The following L3MBTL4 variants were observed in gnomAD, a reference collection of about 807,000 sequenced individuals.
The protein encoded by L3MBTL4 is lethal(3)malignant brain tumor-like protein 4.
In L3MBTL4, 70 loss-of-function variants were observed where a neutral mutation model predicts 84.5. The ratio of observed to expected loss-of-function variants is 0.83; its 90% CI spans 0.68 to 1.01. L3MBTL4 has a LOEUF of 1.01. Among genes scored for constraint, L3MBTL4 ranks in the 50% least tolerant of loss-of-function variants. L3MBTL4 has a pLI of 0.00. For missense variants in L3MBTL4, 715 were observed against 754.8 expected (o/e 0.95, Z 0.62); for synonymous variants, 274 against 259.8 (o/e 1.05, Z -0.52).
chr18:6,096,356 A>G (rs1297414350), intron 14 of L3MBTL4, among the ~76,000 whole-genome samples: 3 of 152,166 alleles, frequency 2.0e-5, no homozygotes, highest in Non-Finnish European at 4.4e-5. Flanking sequence ...GGAAGGCAAA[A>G]TCAAATGGAA....
At position 6,239,716 on chromosome 18, in the gene L3MBTL4, A is replaced by G; in HGVS notation, c.707+2T>C. On this transcript the variant is annotated splice_donor_variant, in intron 9 of 18. Coordinates refer to ENST00000317931, the MANE Select transcript of L3MBTL4 (RefSeq NM_001330559.2). LOFTEE classifies it high-confidence loss of function. ...AAAATAAAACACACATTCATATCTCACCAGTAATCGTAACTATCATCCCAG... is the reference window on the plus strand; with the variant it reads ...AAAATAAAACACACATTCATATCTCGCCAGTAATCGTAACTATCATCCCAG... The G allele has an allele frequency of 6.2e-7, 1 of 1,612,904 alleles. No individual in the cohort carries two copies. Among genetic ancestry groups the G allele is most frequent in the Non-Finnish European group, 8.5e-7 (1 of 1,179,700 alleles).
chr18:6,029,025 G>A (rs1297179285), intron 16 of L3MBTL4, among the ~76,000 whole-genome samples: 1 of 152,090 alleles, frequency 6.6e-6, no homozygotes, highest in African/African-American at 2.4e-5. Flanking sequence ...TGCTTTCTCT[G>A]AATGTTAAAC....
At chr18:6,088,423 T>G (rs1329655846) in intron 15 of L3MBTL4, among the ~76,000 whole-genome samples, 4 of 151,990 alleles carry the variant, frequency 2.6e-5, no homozygotes, top group Admixed American at 1.3e-4. Context: ...TCTTACAGAT[T>G]GGAACTGCCA....
At chr18:6,151,426 CTT>C (rs1307894289) in intron 13 of L3MBTL4, among the ~76,000 whole-genome samples, 1 of 152,074 alleles carries the variant, frequency 6.6e-6, no homozygotes, top group Non-Finnish European at 1.5e-5. Context: ...AGTTTTCACT[CTT>C]GTTGCCCAGG....
chr18:6,109,587 T>G (rs1409950189), intron 14 of L3MBTL4, among the ~76,000 whole-genome samples: 1 of 152,068 alleles, frequency 6.6e-6, no homozygotes, highest in African/African-American at 2.4e-5. Context: ...GGGGTCAAAA[T>G]CCTTGTGAGA....
At chr18:6,197,143 G>T (rs1341016913) in intron 12 of L3MBTL4, among the ~76,000 whole-genome samples, 1 of 152,188 alleles carries the variant, frequency 6.6e-6, no homozygotes, top group Admixed American at 6.5e-5. Flanking sequence ...TAGATGTGCA[G>T]GATGTGCAGG....
chr18:6,132,387 C>T (rs1481683820), intron 14 of L3MBTL4, among the ~76,000 whole-genome samples: 2 of 151,960 alleles, frequency 1.3e-5, no homozygotes, highest in Non-Finnish European at 2.9e-5. Flanking sequence ...CTTTTGGAGA[C>T]CTTGCTCTTA....
At chr18:6,372,141 C>T (rs2054182993) in intron 1 of L3MBTL4, among the ~76,000 whole-genome samples, 2 of 152,186 alleles carry the variant, frequency 1.3e-5, no homozygotes, top group South Asian at 4.1e-4. Context: ...CCTCCTTTCT[C>T]CACCTCCCTC....
chr18:6,226,768 TA>T (rs1319097620), intron 10 of L3MBTL4, among the ~76,000 whole-genome samples: 1 of 151,990 alleles, frequency 6.6e-6, no homozygotes, highest in Non-Finnish European at 1.5e-5. Context: ...ATACTGAAGG[TA>T]AAATGGAAGC....
At chr18:6,275,724 C>A (rs1203937455) in intron 4 of L3MBTL4, among the ~76,000 whole-genome samples, 1 of 152,186 alleles carries the variant, frequency 6.6e-6, no homozygotes, top group Non-Finnish European at 1.5e-5. Context: ...CATACTCAAT[C>A]ATGAGATTGC....
At chr18:6,402,301 G>T (rs9965332) in intron 1 of L3MBTL4, among the ~76,000 whole-genome samples, 23,626 of 152,142 alleles carry the variant, frequency 0.16, 1,869 homozygotes, top group African/African-American at 0.17. Context: ...AATGATTCCT[G>T]TATTGGCCAG....
intron 16 of L3MBTL4, among the ~76,000 whole-genome samples, chr18:6,024,768 T>C (rs142160431): frequency 2.0e-5 from 3 of 152,374 alleles, no homozygotes; most frequent in African/African-American, 7.2e-5. Flanking sequence ...TGCTTCCTTT[T>C]TTTTCTAATT....
chr18:6,099,253 A>T (rs2058734684), intron 14 of L3MBTL4, among the ~76,000 whole-genome samples: 1 of 152,120 alleles, frequency 6.6e-6, no homozygotes, highest in Non-Finnish European at 1.5e-5. Flanking sequence ...CTCACACAGT[A>T]TAAGGATGTT....
chr18:5,954,955 G>T lies in L3MBTL4; in HGVS notation c.*1265C>A, dbSNP rs2095218830. ...TTCTTCAGTGAAAAAAAAATGTAAA[G>T]CTTGAGAAATTCTCCAAGCAGAATC... is the stretch of plus-strand genomic sequence containing the variant. On this transcript the variant is annotated 3_prime_UTR_variant, in exon 19 of 19. Coordinates refer to ENST00000317931, the MANE Select transcript of L3MBTL4 (RefSeq NM_001330559.2). The T allele has an allele frequency of 6.6e-6, 1 of 152,002 alleles. No individual in the cohort carries two copies. The highest frequency in any genetic ancestry group is 1.5e-5 in the Non-Finnish European group (1 of 67,978). 9.4% of individuals were successfully genotyped at this position (152,002 alleles called of 1,614,324 possible). A position where few individuals can be genotyped will look rare whatever the true frequency, so the allele number is the denominator to read the frequency against.
At chr18:6,377,118 C>A (rs1001805637) in intron 1 of L3MBTL4, among the ~76,000 whole-genome samples, 1 of 152,168 alleles carries the variant, frequency 6.6e-6, no homozygotes, top group Admixed American at 6.5e-5. Context: ...TCAAGGGTCA[C>A]AAACCTGGCT....
intron 10 of L3MBTL4, among the ~76,000 whole-genome samples, chr18:6,218,153 G>C (rs2046402386): frequency 6.6e-6 from 1 of 152,094 alleles, no homozygotes. Flanking sequence ...GGCTGCCCGG[G>C]CTGGAATGCG....
At chr18:6,261,289 T>C (rs1297939420) in intron 5 of L3MBTL4, among the ~76,000 whole-genome samples, 1 of 152,172 alleles carries the variant, frequency 6.6e-6, no homozygotes, top group East Asian at 1.9e-4. Context: ...GCAGCTTGAG[T>C]GTTAGATTAT....
intron 15 of L3MBTL4, 149 bp from the exon 16 acceptor site, chr18:6,081,100 A>T: frequency 1.9e-6 from 1 of 516,978 alleles, no homozygotes; most frequent in Non-Finnish European, 3.3e-6. Flanking sequence ...TTAGAATTTT[A>T]AGTTTAAGAT....
intron 1 of L3MBTL4, chr18:6,396,447 G>C (rs2055272988): frequency 6.6e-6 from 1 of 152,400 alleles, no homozygotes; most frequent in Admixed American, 6.5e-5. Context: ...AAAGTGTTTG[G>C]CCTGTGCTTG....
Sources: gnomAD v4.1 joint callset for allele counts (sites outside exome capture counted in the v4.1 genomes callset) on GRCh38, gnomAD v4.1.1 for gene constraint, MANE v1.5 for transcripts, NCBI Gene and HGNC (gene_info 2026-07-23, HGNC 2026-07-21) for gene names.